NT5DC1: variants seen among roughly 807,000 people sequenced by gnomAD.
NT5DC1 encodes the protein 5'-nucleotidase domain-containing protein 1.
NT5DC1 carries 42 observed loss-of-function variants against 59.4 expected under a neutral mutation model. The ratio of observed to expected loss-of-function variants is 0.71; its 90% CI spans 0.55 to 0.92. The LOEUF (loss-of-function observed/expected upper bound fraction) is 0.92, where lower values mean the gene tolerates loss of function less well. Ranked by LOEUF, NT5DC1 falls within the 40% of genes least tolerant of loss-of-function variation. The pLI, the probability that NT5DC1 is intolerant of heterozygous loss-of-function variation, is 0.00. For synonymous variants in NT5DC1, 172 were observed against 188.1 expected, an observed-to-expected ratio of 0.91 and a Z score of 0.70; for missense variants, 501 against 537.1, an observed-to-expected ratio of 0.93 and a Z score of 0.66.
chr6:116,211,754 A>G (rs866491520), intron 6 of NT5DC1, among the ~76,000 whole-genome samples: 1 of 152,072 alleles, frequency 6.6e-6, no homozygotes, highest in South Asian at 2.1e-4. Context: ...TTTCTCGACT[A>G]TAACAAAGGG....
intron 6 of NT5DC1, chr6:116,121,386 C>A (rs1157273124): frequency 6.2e-7 from 1 of 1,613,996 alleles, no homozygotes; most frequent in Non-Finnish European, 8.5e-7. Flanking sequence ...CCAATTGGTC[C>A]CATTTCTCCC....
At chr6:116,133,348 G>C (rs991211714) in intron 6 of NT5DC1, among the ~76,000 whole-genome samples, 1 of 152,156 alleles carries the variant, frequency 6.6e-6, no homozygotes, top group African/African-American at 2.4e-5. Context: ...AGAAATTATA[G>C]CAAATTAAAG....
chr6:116,240,870 G>A (rs937693745), intron 11 of NT5DC1, among the ~76,000 whole-genome samples: 2 of 152,192 alleles, frequency 1.3e-5, no homozygotes, highest in African/African-American at 4.8e-5. Context: ...TTGGCCGGAT[G>A]TGGTGGCTCA....
chr6:116,106,317 C>G lies in NT5DC1; in HGVS notation c.167C>G (p.Pro56Arg). 2 of 1,558,418 alleles carry G rather than the reference C, an allele frequency of 1.3e-6. No individual in the cohort carries two copies. Among genetic ancestry groups the G allele is most frequent in the Non-Finnish European group, 1.8e-6 (2 of 1,132,096 alleles). ...GATAAGGAATTGCTCAATGTGACCCCAGAGGATTGGGATTTCTGGTAAGTT... is the reference window on the plus strand; with the variant it reads ...GATAAGGAATTGCTCAATGTGACCCGAGAGGATTGGGATTTCTGGTAAGTT... ...GYDKELLNVT[P>R]EDWDFCCKGL... is the part of the protein sequence containing the mutation. The change falls in exon 2 of 12, where the codon CCA becomes CGA. Residue 56 changes from proline to arginine, a missense_variant. Coordinates refer to ENST00000319550, the MANE Select transcript of NT5DC1 (RefSeq NM_152729.3).
At chr6:116,237,319 CA>C in intron 9 of NT5DC1, 1 of 615,650 alleles carries the variant, frequency 1.6e-6, no homozygotes. Context: ...ACAATCTATC[CA>C]AAAAGTTTCC....
chr6:116,120,283 C>G, intron 6 of NT5DC1: 1 of 1,614,170 alleles, frequency 6.2e-7, no homozygotes, highest in Admixed American at 1.7e-5. Context: ...ACAGGCCTAC[C>G]CAAACATGAG....
At chr6:116,103,145 C>A in intron 1 of NT5DC1, among the ~76,000 whole-genome samples, 1 of 152,142 alleles carries the variant, frequency 6.6e-6, no homozygotes, top group East Asian at 1.9e-4. Flanking sequence ...GTGACAGTTT[C>A]TTGTGTGTTC....
At chr6:116,121,619 G>A in intron 6 of NT5DC1, 1 of 1,613,908 alleles carries the variant, frequency 6.2e-7, no homozygotes, top group African/African-American at 1.3e-5. Flanking sequence ...GGGTCCTGGG[G>A]CTCCTGTGGG....
rs147722983 is a variant in NT5DC1 at position 116,182,746 on chromosome 6, TTGCTGATA to T, written c.530-38305_530-38298del. ...TTTGATGTGATTGTTTGTTTTTTTC[TTGCTGATA>T]TGTTTGAGTTCCTTGTAGAGTCTAG... is the stretch of plus-strand genomic sequence containing the variant. On this transcript the variant is annotated intron_variant, in intron 6 of 11. Coordinates refer to ENST00000319550, the MANE Select transcript of NT5DC1 (RefSeq NM_152729.3). 9.2e-3 allele frequency among the ~76,000 whole-genome samples: 1,400 copies of T among 152,246 alleles called. 17 individuals carry two copies. The highest frequency in any genetic ancestry group is 0.031 in the African/African-American group (1,291 of 41,546).
Position 116,115,739 on chromosome 6 carries a change from T to A in NT5DC1, c.413T>A (p.Leu138Gln). The A allele has an allele frequency of 6.2e-7, 1 of 1,603,956 alleles. No homozygotes were observed. The highest frequency in any genetic ancestry group is 8.5e-7 in the Non-Finnish European group (1 of 1,170,802). Residue 138 changes from leucine to glutamine, a missense_variant, in exon 5 of 12, where the codon CTG becomes CAG. Transcript: ENST00000319550. ...TACTTTGACCTGCCAGGAGCTCTTC[T>A]GTGTGCCAGGGTGGTGGACTATTTA... ...DNYFDLPGAL[L>Q]CARVVDYLTK...
intron 3 of NT5DC1, among the ~76,000 whole-genome samples, chr6:116,109,562 C>G (rs554409119): frequency 6.6e-6 from 1 of 152,214 alleles, no homozygotes; most frequent in African/African-American, 2.4e-5. Flanking sequence ...AGGTCTGTCT[C>G]TCTCCATCCA....
chr6:116,179,852 A>G lies in NT5DC1; in HGVS notation c.530-41202A>G, dbSNP rs532571739. Among the ~76,000 whole-genome samples, 28 of 152,204 alleles carry G rather than the reference A, an allele frequency of 1.8e-4. No individual in the cohort carries two copies. In the South Asian group the frequency reaches 5.6e-3, roughly 30 times the overall value. ...GCACAAGAATATACATAATGCTCCA[A>G]AGATTCTTGATGTCATGAAAATCAC... On this transcript the variant is annotated intron_variant, in intron 6 of 11. Coordinates refer to ENST00000319550, the MANE Select transcript of NT5DC1 (RefSeq NM_152729.3).
chr6:116,120,481 C>T lies in NT5DC1; in HGVS notation c.529+2536C>T, dbSNP rs778694592. Reference sequence around the variant, plus strand: ...AAGCAGACACAGGCATTCCTGTTACCCCCTGGTTGGCACTAACAAGAGGGG... The same window carrying T: ...AAGCAGACACAGGCATTCCTGTTACTCCCTGGTTGGCACTAACAAGAGGGG... On this transcript the variant is annotated intron_variant, in intron 6 of 11. Coordinates refer to ENST00000319550, the MANE Select transcript of NT5DC1 (RefSeq NM_152729.3). 18 of 1,614,230 alleles carry T rather than the reference C, an allele frequency of 1.1e-5. No individual in the cohort carries two copies. Among genetic ancestry groups the T allele is most frequent in the Non-Finnish European group, 1.4e-5 (17 of 1,180,036 alleles).
intron 6 of NT5DC1, among the ~76,000 whole-genome samples, chr6:116,164,112 G>T (rs1174361127): frequency 6.6e-6 from 1 of 152,102 alleles, no homozygotes; most frequent in Non-Finnish European, 1.5e-5. Context: ...TATCCATTTG[G>T]CAGAGCCCGT....
intron 6 of NT5DC1, among the ~76,000 whole-genome samples, chr6:116,209,639 G>C (rs1347353330): frequency 6.6e-6 from 1 of 151,872 alleles, no homozygotes; most frequent in South Asian, 2.1e-4. Context: ...GGAAGGCAGA[G>C]TATTCCAGGA....
At chr6:116,219,093 C>CTGCA (rs1781742737) in intron 6 of NT5DC1, among the ~76,000 whole-genome samples, 1 of 152,036 alleles carries the variant, frequency 6.6e-6, no homozygotes, top group South Asian at 2.1e-4. Flanking sequence ...GAGTTTAAGG[C>CTGCA]TGCAGTAAGT....
At chr6:116,132,064 C>A (rs1310122632) in intron 6 of NT5DC1, among the ~76,000 whole-genome samples, 1 of 152,046 alleles carries the variant, frequency 6.6e-6, no homozygotes, top group African/African-American at 2.4e-5. Flanking sequence ...TTTTCTTTAT[C>A]CAGTCTATCA....
intron 6 of NT5DC1, among the ~76,000 whole-genome samples, chr6:116,127,392 A>T (rs1779345430): frequency 6.6e-6 from 1 of 152,164 alleles, no homozygotes; most frequent in African/African-American, 2.4e-5. Context: ...TTGCCATATT[A>T]AAAAAATTTA....
intron 8 of NT5DC1, among the ~76,000 whole-genome samples, chr6:116,231,296 G>A (rs776843403): frequency 6.6e-6 from 1 of 151,816 alleles, no homozygotes; most frequent in Non-Finnish European, 1.5e-5. Flanking sequence ...AACAGAGAAA[G>A]TATGTATGAA....
Sources: gnomAD v4.1 joint callset for allele counts (sites outside exome capture counted in the v4.1 genomes callset) on GRCh38, gnomAD v4.1.1 for gene constraint, MANE v1.5 for transcripts, NCBI Gene and HGNC (gene_info 2026-07-23, HGNC 2026-07-21) for gene names.